PRKCZ: variants seen among roughly 807,000 people sequenced by gnomAD.
The protein encoded by PRKCZ is protein kinase C zeta type.
Under a neutral mutation model 79.5 loss-of-function variants are expected in PRKCZ, and 33 were observed. The observed-to-expected ratio is 0.41, with a 90% confidence interval of 0.31 to 0.55. The LOEUF (loss-of-function observed/expected upper bound fraction) is 0.55, where lower values mean the gene tolerates loss of function less well. Among genes scored for constraint, PRKCZ ranks in the 20% least tolerant of loss-of-function variants. The pLI is 0.19. For missense variants in PRKCZ, 578 were observed against 813.5 expected, an observed-to-expected ratio of 0.71 and a Z score of 3.52; for synonymous variants, 342 against 320.9, an observed-to-expected ratio of 1.07 and a Z score of -0.70.
intron 4 of PRKCZ, among the ~76,000 whole-genome samples, chr1:2,096,461 C>G (rs866623043): frequency 3.9e-5 from 6 of 152,016 alleles, no homozygotes; most frequent in African/African-American, 1.2e-4. Flanking sequence ...ACGCCAGGAA[C>G]GCGGTTGTAC....
chr1:2,094,475 G>A lies in PRKCZ; in HGVS notation c.334+34884G>A, dbSNP rs1452253988. The stretch of plus-strand genomic sequence containing the variant: ...GTGCCCGGCTCGTTGAACCTTGGGC[G>A]CTGCCCGTTCTGAGGCGCCCTCTGT... On this transcript the variant is annotated intron_variant, in intron 4 of 17. Coordinates refer to ENST00000378567, the MANE Select transcript of PRKCZ (RefSeq NM_002744.6). The surrounding 1 kb of genome is among the most constrained non-coding windows in gnomAD (Gnocchi z 7.3). Among the ~76,000 whole-genome samples the A allele has an allele frequency of 9.7e-5, 14 of 144,968 alleles. No homozygotes were observed. The highest frequency in any genetic ancestry group is 6.0e-5 in the Non-Finnish European group (4 of 66,260).
intron 4 of PRKCZ, among the ~76,000 whole-genome samples, chr1:2,077,282 T>G (rs1347483527): frequency 6.6e-6 from 1 of 152,234 alleles, no homozygotes; most frequent in Non-Finnish European, 1.5e-5. Context: ...CTGGTCTTTC[T>G]GAAGTTTTCT....
At chr1:2,097,298 C>G (rs12563290) in intron 4 of PRKCZ, among the ~76,000 whole-genome samples, 4,090 of 152,284 alleles carry the variant, frequency 0.027, 179 homozygotes, top group East Asian at 0.13. Context: ...CGTCATATTC[C>G]GAGTGTGACC....
At chr1:2,089,718 C>A (rs2102469043) in intron 4 of PRKCZ, among the ~76,000 whole-genome samples, 1 of 152,238 alleles carries the variant, frequency 6.6e-6, no homozygotes, top group East Asian at 1.9e-4. Flanking sequence ...GGGACGTAAA[C>A]ACTCAGGTCA....
intron 4 of PRKCZ, among the ~76,000 whole-genome samples, chr1:2,116,839 A>ACATTTGGATTG (rs1670851467): frequency 6.6e-6 from 1 of 152,188 alleles, no homozygotes; most frequent in Non-Finnish European, 1.5e-5. Flanking sequence ...TCTCCATAAG[A>ACATTTGGATTG]CATTTGGATT....
chr1:2,078,306 CT>C (rs2102361394), intron 4 of PRKCZ, among the ~76,000 whole-genome samples: 1 of 152,356 alleles, frequency 6.6e-6, no homozygotes, highest in Admixed American at 6.5e-5. Flanking sequence ...TTGGAAAATG[CT>C]TTTCCTCCAG....
At chr1:2,093,902 T>G (rs373208720) in intron 4 of PRKCZ, among the ~76,000 whole-genome samples, 1 of 152,078 alleles carries the variant, frequency 6.6e-6, no homozygotes, top group Non-Finnish European at 1.5e-5. Context: ...GCCGTCAGCG[T>G]TGCAGCCCTT....
At chr1:2,089,140 GTT>G (rs1167262139) in intron 4 of PRKCZ, among the ~76,000 whole-genome samples, 1 of 152,210 alleles carries the variant, frequency 6.6e-6, no homozygotes, top group Non-Finnish European at 1.5e-5. Flanking sequence ...GCAGTAGAGT[GTT>G]TTCCTTAGCC....
At chr1:2,129,601 G>A (rs1387518534) in intron 4 of PRKCZ, among the ~76,000 whole-genome samples, 1 of 152,202 alleles carries the variant, frequency 6.6e-6, no homozygotes, top group Non-Finnish European at 1.5e-5. Flanking sequence ...TTGTAACAGT[G>A]TAGCAGGCGG....
chr1:2,185,274 G>A lies in PRKCZ; in HGVS notation c.*265G>A. ...GATCCGCGGGGACCCTGCCGAGGGG[G>A]CTGTCATGCGGTTTCCAAGGTGCAC... On this transcript the variant is annotated 3_prime_UTR_variant, in exon 18 of 18. Coordinates refer to ENST00000378567, the MANE Select transcript of PRKCZ (RefSeq NM_002744.6). The A allele has an allele frequency of 1.4e-6, 1 of 716,608 alleles. No homozygotes were observed. The highest frequency in any genetic ancestry group is 2.6e-6 in the Non-Finnish European group (1 of 383,848). The allele number at this position is 716,608 out of a possible 1,614,324, so 44.4% of individuals were successfully genotyped here.
Position 2,146,063 on chromosome 1 carries a change from G to A in PRKCZ, c.589G>A (p.Asp197Asn), listed in dbSNP as rs755373605. 1.1e-5 allele frequency: 17 copies of A among 1,613,982 alleles called. No homozygotes were observed. The highest frequency in any genetic ancestry group is 1.4e-5 in the Non-Finnish European group (16 of 1,180,008). ...VMPSQEPPVDDKNEDADLPSE... is the reference protein window; with the variant it reads ...VMPSQEPPVDNKNEDADLPSE... ...GCCTTCCCAAGAGCCTCCAGTAGAC[G>A]ACAAGAACGAGGACGCCGACCTTCC... The change falls in exon 7 of 18, where the codon GAC becomes AAC. Residue 197 changes from aspartate to asparagine, a missense_variant. By Grantham distance (23) the Asp-to-Asn change is conservative (BLOSUM62 1). Coordinates refer to ENST00000378567, the MANE Select transcript of PRKCZ (RefSeq NM_002744.6).
At chr1:2,148,306 T>A (rs573969680) in intron 7 of PRKCZ, among the ~76,000 whole-genome samples, 14 of 152,154 alleles carry the variant, frequency 9.2e-5, no homozygotes, top group African/African-American at 3.4e-4. Context: ...CATCTATCCA[T>A]CCATCTATTG....
At chr1:2,179,400 G>T (rs1476712356) in intron 16 of PRKCZ, among the ~76,000 whole-genome samples, 1 of 152,240 alleles carries the variant, frequency 6.6e-6, no homozygotes, top group Non-Finnish European at 1.5e-5. Flanking sequence ...ATCCCCGCAG[G>T]ATCCCCGGTA....
chr1:2,173,585 G>C lies in PRKCZ; in HGVS notation c.1286-312G>C, dbSNP rs939356690. Among the ~76,000 whole-genome samples the C allele has an allele frequency of 6.6e-6, 1 of 152,246 alleles. No homozygotes were observed. The highest frequency in any genetic ancestry group is 2.4e-5 in the African/African-American group (1 of 41,450). ...AGCTTAGTTCTGTAGAAGCAGAAAC[G>C]AGAGAGGAGGGTCGTCCGCAGGTTC... is the stretch of plus-strand genomic sequence containing the variant. On this transcript the variant is annotated intron_variant, in intron 13 of 17. Transcript: ENST00000378567. The surrounding 1 kb of genome is among the most constrained non-coding windows in gnomAD (Gnocchi z 5.7).
intron 11 of PRKCZ, among the ~76,000 whole-genome samples, chr1:2,171,168 C>T (rs538600489): frequency 2.8e-4 from 43 of 151,852 alleles, no homozygotes; most frequent in African/African-American, 9.9e-4. Context: ...ACAGTGAAAC[C>T]CTGTCTCTAC....
At chr1:2,104,423 C>T (rs1668013432) in intron 4 of PRKCZ, among the ~76,000 whole-genome samples, 2 of 152,132 alleles carry the variant, frequency 1.3e-5, no homozygotes, top group Non-Finnish European at 2.9e-5. Flanking sequence ...GTGGCCTGAA[C>T]CTCAGGGCCT....
rs940494204 is a variant in PRKCZ at position 2,093,878 on chromosome 1, C to T, written c.334+34287C>T. Among the ~76,000 whole-genome samples, 13 of 152,262 alleles carry T rather than the reference C, an allele frequency of 8.5e-5. 1 individual carries two copies. The highest frequency in any genetic ancestry group is 2.1e-4 in the South Asian group (1 of 4,830). ...GACGAGCCGAGGATCCCCGCGTCGA[C>T]GTGGAGGTCCGCGGCCGTCAGCGTT... On this transcript the variant is annotated intron_variant, in intron 4 of 17. Transcript: ENST00000378567.
At chr1:2,130,663 C>T (rs1674779705) in intron 4 of PRKCZ, among the ~76,000 whole-genome samples, 1 of 151,974 alleles carries the variant, frequency 6.6e-6, no homozygotes, top group Non-Finnish European at 1.5e-5. Flanking sequence ...GGAGCTCAGC[C>T]TTTGCTCTGT....
intron 11 of PRKCZ, 129 bp from the exon 12 acceptor site, chr1:2,171,926 C>T (rs1345427712): frequency 8.3e-7 from 1 of 1,200,938 alleles, no homozygotes; most frequent in Non-Finnish European, 1.1e-6. Flanking sequence ...CTTTCAAATC[C>T]TGGGCCTGGT....
Sources: gnomAD v4.1 joint callset for allele counts (sites outside exome capture counted in the v4.1 genomes callset) on GRCh38, gnomAD v4.1.1 for gene constraint, Gnocchi (gnomAD v3.1) non-coding constraint, MANE v1.5 for transcripts, NCBI Gene and HGNC (gene_info 2026-07-23, HGNC 2026-07-21) for gene names.